FRAS1: variants seen among roughly 807,000 people sequenced by gnomAD.
FRAS1 encodes the protein Fraser extracellular matrix complex subunit 1.
FRAS1 carries 290 observed loss-of-function variants against 435.2 expected under a neutral mutation model. The ratio of observed to expected loss-of-function variants is 0.67; its 90% CI spans 0.61 to 0.73. The LOEUF (loss-of-function observed/expected upper bound fraction) is 0.73. FRAS1 is among the 30% of genes least tolerant of loss of function. FRAS1 has a pLI of 0.00. For synonymous variants in FRAS1, 1,800 were observed against 1,851.0 expected (o/e 0.97, Z 0.71); for missense variants, 4,860 against 5,001.5 (o/e 0.97, Z 0.85).
chr4:78,431,865 A>T (rs538901680), intron 37 of FRAS1, among the ~76,000 whole-genome samples: 1 of 152,324 alleles, frequency 6.6e-6, no homozygotes, highest in East Asian at 1.9e-4. Flanking sequence ...AACTTAAAGT[A>T]TATTTTTTTC....
chr4:78,466,177 C>T, intron 49 of FRAS1, 31 bp from the exon 50 acceptor site: 1 of 1,593,790 alleles, frequency 6.3e-7, no homozygotes, highest in South Asian at 1.1e-5. Flanking sequence ...TATGAGCTTC[C>T]CTCCCCTCTG....
intron 36 of FRAS1, among the ~76,000 whole-genome samples, chr4:78,429,973 G>C (rs1734149018): frequency 6.6e-6 from 1 of 152,192 alleles, no homozygotes; most frequent in Admixed American, 6.5e-5. Context: ...TTTTCTGGAA[G>C]AAAATCTAAC....
At position 78,376,172 on chromosome 4, in the gene FRAS1, A is replaced by G. The variant is rs141956443; in HGVS notation, c.3292+293A>G. 3.3e-3 allele frequency among the ~76,000 whole-genome samples: 506 copies of G among 152,362 alleles called. 2 individuals carry two copies. The highest frequency in any genetic ancestry group is 0.012 in the African/African-American group (494 of 41,584). On this transcript the variant is annotated intron_variant, in intron 26 of 73. Coordinates refer to ENST00000512123, the MANE Select transcript of FRAS1 (RefSeq NM_025074.7). Reference sequence around the variant, plus strand: ...TAAGTTCCTGAACTACAGCCATGTTATAGAAAATTACATATATACAGTCAC... The same window carrying G: ...TAAGTTCCTGAACTACAGCCATGTTGTAGAAAATTACATATATACAGTCAC...
At chr4:78,166,336 G>T (rs975617367) in intron 2 of FRAS1, among the ~76,000 whole-genome samples, 1 of 151,822 alleles carries the variant, frequency 6.6e-6, no homozygotes, top group African/African-American at 2.4e-5. Context: ...AGAACTATAG[G>T]ACATAGAATA....
intron 2 of FRAS1, among the ~76,000 whole-genome samples, chr4:78,106,249 G>A (rs1742429755): frequency 1.1e-5 from 1 of 88,546 alleles, no homozygotes; most frequent in Non-Finnish European, 2.4e-5. Context: ...GCCCACCACA[G>A]CTCAAGGAGG....
chr4:78,262,664 G>T (rs1219989023), intron 6 of FRAS1, among the ~76,000 whole-genome samples: 1 of 152,100 alleles, frequency 6.6e-6, no homozygotes, highest in Non-Finnish European at 1.5e-5. Flanking sequence ...TTTGTCAAGA[G>T]CTTTCATCCA....
At chr4:78,369,664 G>A (rs887806694) in intron 22 of FRAS1, among the ~76,000 whole-genome samples, 174 bp from the exon 23 acceptor site, 1 of 152,000 alleles carries the variant, frequency 6.6e-6, no homozygotes, top group African/African-American at 2.4e-5. Flanking sequence ...TTTCTATTTC[G>A]GAAACTAATA....
intron 35 of FRAS1, among the ~76,000 whole-genome samples, chr4:78,426,666 A>G (rs1428325923): frequency 6.6e-6 from 1 of 152,230 alleles, no homozygotes; most frequent in Non-Finnish European, 1.5e-5. Context: ...TCTGGAGAGC[A>G]GTTCTGAGCA....
intron 71 of FRAS1, among the ~76,000 whole-genome samples, chr4:78,535,527 A>C (rs1481224377): frequency 6.6e-6 from 1 of 152,104 alleles, no homozygotes; most frequent in African/African-American, 2.4e-5. Context: ...CTGCGTCACC[A>C]TCCTCTATGT....
intron 41 of FRAS1, among the ~76,000 whole-genome samples, chr4:78,444,559 T>C (rs1306608345): frequency 6.6e-6 from 1 of 152,220 alleles, no homozygotes; most frequent in East Asian, 1.9e-4. Context: ...CACTTTTCTG[T>C]GTTGATGTAT....
At chr4:78,424,776 T>TA (rs111683592) in intron 35 of FRAS1, among the ~76,000 whole-genome samples, 480 of 139,862 alleles carry the variant, frequency 3.4e-3, no homozygotes, top group Admixed American at 4.7e-3. Flanking sequence ...ACCTTGTCTA[T>TA]AAAAAAAAAA....
chr4:78,421,268 C>G (rs1364482930), intron 33 of FRAS1, among the ~76,000 whole-genome samples: 2 of 152,262 alleles, frequency 1.3e-5, no homozygotes, highest in East Asian at 3.9e-4. Context: ...CTGCCTCAGC[C>G]TCCCGGGTAG....
At chr4:78,167,200 A>C (rs1383966125) in intron 2 of FRAS1, among the ~76,000 whole-genome samples, 1 of 152,212 alleles carries the variant, frequency 6.6e-6, no homozygotes, top group African/African-American at 2.4e-5. Context: ...ATCTTGGTGC[A>C]AATTATCTTT....
At chr4:78,091,623 T>TTGTG (rs10631175) in intron 2 of FRAS1, among the ~76,000 whole-genome samples, 13,621 of 148,020 alleles carry the variant, frequency 0.092, 724 homozygotes, top group Admixed American at 0.13. Context: ...ACACGTGTGT[T>TTGTG]TGTGTGTGTG....
intron 72 of FRAS1, among the ~76,000 whole-genome samples, chr4:78,537,565 GTT>G (rs776119622): frequency 2.0e-4 from 31 of 152,186 alleles, no homozygotes; most frequent in Admixed American, 5.2e-4. Flanking sequence ...AGTTTAGAGA[GTT>G]TAAAAAGTTT....
intron 40 of FRAS1, 142 bp downstream of exon 40, chr4:78,439,206 T>C (rs1363987700): frequency 3.0e-6 from 2 of 676,164 alleles, no homozygotes; most frequent in Non-Finnish European, 5.0e-6. Context: ...ATATGCATGG[T>C]TTTCAATCAT....
At chr4:78,092,039 G>T (rs534504227) in intron 2 of FRAS1, among the ~76,000 whole-genome samples, 2 of 150,670 alleles carry the variant, frequency 1.3e-5, no homozygotes, top group African/African-American at 2.4e-5. Flanking sequence ...AGATCTTGAC[G>T]TGTGGGTGGC....
Position 78,539,281 on chromosome 4 carries a change from T to C in FRAS1, c.11299-13T>C, listed in dbSNP as rs1190465499. On this transcript the variant is annotated splice_polypyrimidine_tract_variant and intron_variant, in intron 72 of 73. Coordinates refer to ENST00000512123, the MANE Select transcript of FRAS1 (RefSeq NM_025074.7). ...CTTTCTAAATCTTGCATTTCTTTTTTCTGAAATCCTAGGACCGCAATCAGC... is the reference window on the plus strand; with the variant it reads ...CTTTCTAAATCTTGCATTTCTTTTTCCTGAAATCCTAGGACCGCAATCAGC... The C allele has an allele frequency of 1.3e-6, 2 of 1,597,160 alleles. No homozygotes were observed. The highest frequency in any genetic ancestry group is 1.7e-6 in the Non-Finnish European group (2 of 1,175,012).
At chr4:78,310,569 G>A (rs75865577) in intron 15 of FRAS1, among the ~76,000 whole-genome samples, 5,565 of 152,248 alleles carry the variant, frequency 0.037, 280 homozygotes, top group African/African-American at 0.11. Context: ...TACTAAACAC[G>A]TCATGTGCTT....
Sources: gnomAD v4.1 joint callset for allele counts (sites outside exome capture counted in the v4.1 genomes callset) on GRCh38, gnomAD v4.1.1 for gene constraint, MANE v1.5 for transcripts, NCBI Gene and HGNC (gene_info 2026-07-23, HGNC 2026-07-21) for gene names.